Variants in COL4A5 observed in about 807,000 individuals in gnomAD.
COL4A5 encodes collagen alpha-5(IV) chain.
COL4A5 carries 26 observed loss-of-function variants against 130.2 expected under a neutral mutation model. That is an observed-to-expected ratio of 0.20 (90% CI 0.15 to 0.28). COL4A5 has a LOEUF of 0.28. COL4A5 is among the 10% of genes least tolerant of loss of function. COL4A5 has a pLI of 1.00. For missense variants in COL4A5, 1,131 were observed against 1,344.3 expected (o/e 0.84, Z 2.48); for synonymous variants, 496 against 439.6 (o/e 1.13, Z -1.60).
chrX:108,659,937 C>T (rs761860340), intron 37 of COL4A5, among the ~76,000 whole-genome samples: 8 of 110,737 alleles, frequency 7.2e-5, no homozygotes, highest in South Asian at 3.8e-4. Context: ...GTTTTATGCT[C>T]CTCCTTTGTC....
intron 43 of COL4A5, among the ~76,000 whole-genome samples, chrX:108,675,729 C>T (rs534608977): frequency 9.0e-6 from 1 of 111,024 alleles, no homozygotes; most frequent in South Asian, 3.8e-4. Context: ...ATAGAAATAC[C>T]TGAAAGATTA....
At chrX:108,492,513 A>C (rs2065001583) in intron 1 of COL4A5, among the ~76,000 whole-genome samples, 1 of 112,011 alleles carries the variant, frequency 8.9e-6, no homozygotes, top group Non-Finnish European at 1.9e-5. Context: ...ATGCAAATTA[A>C]AAAGAAAGTA....
intron 1 of COL4A5, among the ~76,000 whole-genome samples, chrX:108,450,808 T>C (rs1236711551): frequency 9.0e-6 from 1 of 111,148 alleles, no homozygotes; most frequent in African/African-American, 3.3e-5. Flanking sequence ...TTTAATGTAA[T>C]TGAATAAAAA....
intron 1 of COL4A5, among the ~76,000 whole-genome samples, chrX:108,471,741 T>C (rs2064772585): frequency 8.9e-6 from 1 of 111,874 alleles, no homozygotes; most frequent in Admixed American, 9.5e-5. Flanking sequence ...ACTTTCAGCT[T>C]TTGCCCTTGC....
intron 30 of COL4A5, among the ~76,000 whole-genome samples, chrX:108,617,252 T>G (rs1223267303): frequency 7.2e-5 from 8 of 111,638 alleles, no homozygotes; most frequent in Non-Finnish European, 1.5e-4. Flanking sequence ...AATAATAAGG[T>G]AATCGGAAAG....
Position 108,571,420 on chromosome X carries a change from G to A in COL4A5, c.392G>A (p.Arg131His), listed in dbSNP as rs763366059. Residue 131 changes from arginine (R) to histidine (H), a missense_variant, in exon 7 of 53, where the codon CGT (arginine) becomes CAT (histidine). Coordinates refer to ENST00000328300, the MANE Select transcript of COL4A5 (RefSeq NM_033380.3). ...ATTTTTAACTCCTTCTAGGGAGAAC[G>A]TGGATTTCCAGGCAGTCCCGGTTTT... ...IPGCNGTKGERGFPGSPGFPG... is the reference protein window; with the variant it reads ...IPGCNGTKGEHGFPGSPGFPG... 15 of 1,199,230 alleles carry A rather than the reference G, an allele frequency of 1.3e-5. No homozygotes were observed. The highest frequency in any genetic ancestry group is 6.6e-5 in the Admixed American group (3 of 45,611).
At chrX:108,469,955 A>C (rs1434307817) in intron 1 of COL4A5, among the ~76,000 whole-genome samples, 1 of 111,870 alleles carries the variant, frequency 8.9e-6, no homozygotes, top group Non-Finnish European at 1.9e-5. Flanking sequence ...TTGCTGCAAA[A>C]GACTCGATTT....
chrX:108,675,632 TTAAATG>T (rs1177078086), intron 43 of COL4A5, among the ~76,000 whole-genome samples: 3 of 111,403 alleles, frequency 2.7e-5, no homozygotes, highest in African/African-American at 6.5e-5. Flanking sequence ...GTTAAATTGT[TTAAATG>T]TAAAACAATT....
chrX:108,584,498 C>A lies in COL4A5; in HGVS notation c.1005C>A (p.Asp335Glu), dbSNP rs1569491741. 8.3e-7 allele frequency: 1 copy of A among 1,206,325 alleles called. No individual in the cohort carries two copies. Among genetic ancestry groups the A allele is most frequent in the Non-Finnish European group, 1.1e-6 (1 of 892,533 alleles). ...GRDGEKGQKG[D>E]TGPPGPPGLV... ...GCATTGAACAGGGCCAAAAAGGTGACACTGGCCCACCTGGACCTCCTGGAC... is the reference window on the plus strand; with the variant it reads ...GCATTGAACAGGGCCAAAAAGGTGAAACTGGCCCACCTGGACCTCCTGGAC... The change falls in exon 18 of 53, where the codon GAC becomes GAA. Residue 335 changes from aspartate to glutamate, a missense_variant. Transcript: ENST00000328300.
intron 1 of COL4A5, among the ~76,000 whole-genome samples, chrX:108,510,086 G>A (rs1294527349): frequency 8.9e-6 from 1 of 111,824 alleles, no homozygotes; most frequent in Admixed American, 9.5e-5. Flanking sequence ...GTTCTTACTT[G>A]TAAGTGGGAG....
chrX:108,692,516 T>C (rs763856658), intron 49 of COL4A5, among the ~76,000 whole-genome samples: 1 of 111,843 alleles, frequency 8.9e-6, no homozygotes, highest in Admixed American at 9.5e-5. Context: ...AAAAACAGCA[T>C]TAGGGAATAT....
chrX:108,569,976 G>A (rs895288845), intron 6 of COL4A5, among the ~76,000 whole-genome samples: 2 of 111,517 alleles, frequency 1.8e-5, no homozygotes, highest in South Asian at 3.8e-4. Context: ...CACCGCGCCC[G>A]GCCAGATCTT....
intron 36 of COL4A5, among the ~76,000 whole-genome samples, chrX:108,649,685 TCA>T (rs2067681971): frequency 9.0e-6 from 1 of 111,727 alleles, no homozygotes; most frequent in African/African-American, 3.3e-5. Context: ...CAAATGGTGC[TCA>T]GTTAATTGGC....
At chrX:108,604,594 ACATAAG>A (rs2147827251) in intron 28 of COL4A5, among the ~76,000 whole-genome samples, 1 of 112,283 alleles carries the variant, frequency 8.9e-6, no homozygotes, top group African/African-American at 3.2e-5. Flanking sequence ...TTAGAATGGT[ACATAAG>A]CATTGGTTTC....
chrX:108,449,881 CAT>C (rs1391917525), intron 1 of COL4A5, among the ~76,000 whole-genome samples: 2 of 112,131 alleles, frequency 1.8e-5, no homozygotes, highest in Non-Finnish European at 3.8e-5. Context: ...AATTTTAAAA[CAT>C]ATGAATTTTT....
intron 1 of COL4A5, chrX:108,440,448 G>A: frequency 2.5e-6 from 1 of 393,649 alleles, no homozygotes; most frequent in Non-Finnish European, 4.4e-6. Flanking sequence ...TAGCTCCTCC[G>A]GGGGCAAGAG....
chrX:108,531,397 A>G (rs1290684308), intron 1 of COL4A5, among the ~76,000 whole-genome samples: 4 of 109,821 alleles, frequency 3.6e-5, no homozygotes, highest in Non-Finnish European at 7.6e-5. Context: ...AAATAAATAA[A>G]TAAATAAAAA....
chrX:108,582,985 A>G, intron 17 of COL4A5, 48 bp downstream of exon 17: 2 of 1,004,619 alleles, frequency 2.0e-6, no homozygotes, highest in Non-Finnish European at 2.8e-6. Flanking sequence ...TAGCTAAAAT[A>G]ATCCTTTTCT....
chrX:108,602,055 A>T (rs890967409), intron 27 of COL4A5, 66 bp downstream of exon 27: 3 of 570,753 alleles, frequency 5.3e-6, no homozygotes, highest in Non-Finnish European at 8.9e-6. Context: ...CTCTCATAAA[A>T]TTCATTCAAC....
Sources: gnomAD v4.1 joint callset for allele counts (sites outside exome capture counted in the v4.1 genomes callset) on GRCh38, gnomAD v4.1.1 for gene constraint, MANE v1.5 for transcripts, NCBI Gene and HGNC (gene_info 2026-07-23, HGNC 2026-07-21) for gene names.